Variants in RAB3GAP2 observed in about 807,000 individuals in gnomAD.
RAB3GAP2 encodes rab3 GTPase-activating protein non-catalytic subunit.
A neutral mutation model predicts 185.3 loss-of-function variants in RAB3GAP2; 87 were observed. That is an observed-to-expected ratio of 0.47 (90% confidence interval 0.39 to 0.56). The LOEUF (loss-of-function observed/expected upper bound fraction) is 0.56, where lower values mean the gene tolerates loss of function less well. Among genes scored for constraint, RAB3GAP2 ranks in the 20% least tolerant of loss-of-function variants. The pLI is 0.00. For missense variants in RAB3GAP2, 1,492 were observed against 1,638.2 expected, an observed-to-expected ratio of 0.91 and a Z score of 1.54; for synonymous variants, 554 against 576.1, an observed-to-expected ratio of 0.96 and a Z score of 0.55.
chr1:220,224,556 A>T (rs1446890963), intron 2 of RAB3GAP2, among the ~76,000 whole-genome samples: 1 of 152,208 alleles, frequency 6.6e-6, no homozygotes, highest in African/African-American at 2.4e-5. Context: ...GTAAAATTAA[A>T]GTCTATTTGG....
chr1:220,248,188 C>CTTTT (rs1198350965), intron 1 of RAB3GAP2, among the ~76,000 whole-genome samples: 1 of 152,006 alleles, frequency 6.6e-6, no homozygotes, highest in African/African-American at 2.4e-5. Context: ...TAAGTGGAAT[C>CTTTT]TAAAAAAGTC....
intron 17 of RAB3GAP2, among the ~76,000 whole-genome samples, chr1:220,187,599 G>A (rs1300645536): frequency 3.3e-5 from 5 of 152,094 alleles, no homozygotes; most frequent in Non-Finnish European, 7.4e-5. Context: ...AATCAATCAT[G>A]CTTATATAAT....
intron 2 of RAB3GAP2, among the ~76,000 whole-genome samples, chr1:220,221,196 C>G (rs760894451): frequency 1.3e-5 from 2 of 152,294 alleles, no homozygotes; most frequent in Non-Finnish European, 2.9e-5. Flanking sequence ...TTTTTATGCA[C>G]TGTCCTCATG....
At chr1:220,180,103 A>C (rs1658373165) in intron 21 of RAB3GAP2, among the ~76,000 whole-genome samples, 1 of 152,270 alleles carries the variant, frequency 6.6e-6, no homozygotes, top group East Asian at 1.9e-4. Flanking sequence ...CGGAAGTTGC[A>C]GTGAGCCGAG....
In RAB3GAP2 at chr1:220,167,151, G is replaced by A. The variant is rs1658082301; in HGVS notation, c.3087+142C>T. 5 of 744,614 alleles carry A rather than the reference G, an allele frequency of 6.7e-6. No homozygotes were observed. In the East Asian group the frequency reaches 1.1e-4, roughly 16 times the overall value. 46.1% of individuals were successfully genotyped at this position (744,614 alleles called of 1,614,324 possible). The stretch of plus-strand genomic sequence containing the variant: ...ATTGTAAGAGGAAATATGTGAAAAA[G>A]GTCTACCCTAGTTAGTACAGAGGCA... On this transcript the variant is annotated intron_variant, in intron 26 of 34. Transcript: ENST00000358951.
chr1:220,248,222 A>G lies in RAB3GAP2; in HGVS notation c.116-15359T>C, dbSNP rs145262626. Among the ~76,000 whole-genome samples the G allele has an allele frequency of 1.5e-3, 227 of 152,312 alleles. 2 individuals carry two copies. Among genetic ancestry groups the G allele is most frequent in the African/African-American group, 5.4e-3 (223 of 41,574 alleles). ...TCAAACTACTAGAAGCAGAGAGTAGAAATAAGATGTCAGTCAAAGGGTAAA... is the reference window on the plus strand; with the variant it reads ...TCAAACTACTAGAAGCAGAGAGTAGGAATAAGATGTCAGTCAAAGGGTAAA... On this transcript the variant is annotated intron_variant, in intron 1 of 34. Transcript: ENST00000358951.
rs1657903966 is a variant in RAB3GAP2 at position 220,158,682 on chromosome 1, C to A, written c.3261+704G>T. On this transcript the variant is annotated intron_variant, in intron 29 of 34. Coordinates refer to ENST00000358951, the MANE Select transcript of RAB3GAP2 (RefSeq NM_012414.4). The surrounding 1 kb of genome is among the most constrained non-coding windows in gnomAD (Gnocchi z 4.3). Reference sequence around the variant, plus strand: ...TCTCAAACTCCTGACCTCAGGTGATCCACCAGCCTCGCCTTTCCAAAGTGC... The same window carrying A: ...TCTCAAACTCCTGACCTCAGGTGATACACCAGCCTCGCCTTTCCAAAGTGC... Among the ~76,000 whole-genome samples the A allele has an allele frequency of 6.6e-6, 1 of 152,128 alleles. No homozygotes were observed.
At chr1:220,224,544 G>A (rs1204529098) in intron 2 of RAB3GAP2, among the ~76,000 whole-genome samples, 5 of 152,072 alleles carry the variant, frequency 3.3e-5, no homozygotes. Flanking sequence ...GTAGAATAAT[G>A]TGTAAAATTA....
intron 21 of RAB3GAP2, among the ~76,000 whole-genome samples, chr1:220,173,714 A>G (rs1658221563): frequency 6.6e-6 from 1 of 152,188 alleles, no homozygotes; most frequent in Admixed American, 6.5e-5. Context: ...GGGAAAGCTA[A>G]CATGTCCAGC....
chr1:220,251,824 G>A (rs920852820), intron 1 of RAB3GAP2, among the ~76,000 whole-genome samples: 7 of 152,168 alleles, frequency 4.6e-5, no homozygotes, highest in South Asian at 2.1e-4. Context: ...ATAGAGCCTA[G>A]TGGAGTCTTC....
intron 1 of RAB3GAP2, among the ~76,000 whole-genome samples, chr1:220,235,618 A>T (rs1004356723): frequency 2.6e-5 from 4 of 152,206 alleles, no homozygotes; most frequent in Admixed American, 1.3e-4. Flanking sequence ...AAAGCAAATA[A>T]GCCTTCAAAG....
intron 21 of RAB3GAP2, among the ~76,000 whole-genome samples, chr1:220,181,671 T>C (rs1658409027): frequency 6.6e-6 from 1 of 152,178 alleles, no homozygotes; most frequent in Non-Finnish European, 1.5e-5. Flanking sequence ...GATGATCCAA[T>C]TCCACTGTAA....
Position 220,210,977 on chromosome 1 carries a change from T to C in RAB3GAP2, c.412A>G (p.Ile138Val), listed in dbSNP as rs1659075614. ...EGECVTSALCIPLASQKRSST... is the reference protein window; with the variant it reads ...EGECVTSALCVPLASQKRSST... Reference sequence around the variant, plus strand: ...TACCTCTTTTGGCTTGCTAGTGGGATACATAGAGCACTGGTTACACATTCC... The same window carrying C: ...TACCTCTTTTGGCTTGCTAGTGGGACACATAGAGCACTGGTTACACATTCC... Residue 138 changes from isoleucine (I) to valine (V), a missense_variant, in exon 5 of 35, where the codon ATC becomes GTC. Around this residue, in one of 5 missense-constraint regions of RAB3GAP2, gnomAD observed 243 missense variants for 314.8 expected, o/e 0.77. Transcript: ENST00000358951. 5 of 1,613,942 alleles carry C rather than the reference T, an allele frequency of 3.1e-6. No individual in the cohort carries two copies. The South Asian group carries it at 5.5e-5, about 18-fold the overall frequency.
At chr1:220,178,333 A>G (rs1658335082) in intron 21 of RAB3GAP2, among the ~76,000 whole-genome samples, 1 of 152,234 alleles carries the variant, frequency 6.6e-6, no homozygotes, top group Non-Finnish European at 1.5e-5. Context: ...CCAAACTGAA[A>G]GAAAATGATG....
chr1:220,151,539 G>GT, intron 34 of RAB3GAP2, 67 bp downstream of exon 34: 1 of 1,585,664 alleles, frequency 6.3e-7, no homozygotes, highest in Non-Finnish European at 8.7e-7. Flanking sequence ...CTTCATAACT[G>GT]TTATTAACCA....
intron 28 of RAB3GAP2, among the ~76,000 whole-genome samples, chr1:220,160,008 C>G (rs1236849113): frequency 6.6e-6 from 1 of 151,502 alleles, no homozygotes; most frequent in Admixed American, 6.6e-5. Context: ...CAGAGTGAGA[C>G]TCCATCCCAC....
At chr1:220,228,428 G>GC (rs2102889592) in intron 2 of RAB3GAP2, among the ~76,000 whole-genome samples, 1 of 152,254 alleles carries the variant, frequency 6.6e-6, no homozygotes, top group South Asian at 2.1e-4. Flanking sequence ...ATTTTGCTCA[G>GC]CAAAACTTCA....
chr1:220,250,480 T>C (rs1052091066), intron 1 of RAB3GAP2, among the ~76,000 whole-genome samples: 5 of 152,232 alleles, frequency 3.3e-5, no homozygotes, highest in African/African-American at 1.2e-4. Flanking sequence ...TTGTCTGAGA[T>C]GATACTTTGG....
At chr1:220,251,335 G>T (rs968726514) in intron 1 of RAB3GAP2, among the ~76,000 whole-genome samples, 1 of 151,892 alleles carries the variant, frequency 6.6e-6, no homozygotes, top group African/African-American at 2.4e-5. Flanking sequence ...TCTTTCAAAG[G>T]AGAATATGAA....
Sources: gnomAD v4.1 joint callset for allele counts (sites outside exome capture counted in the v4.1 genomes callset) on GRCh38, gnomAD v4.1.1 for gene constraint, gnomAD v4.1.1 regional missense constraint, Gnocchi (gnomAD v3.1) non-coding constraint, MANE v1.5 for transcripts, NCBI Gene and HGNC (gene_info 2026-07-23, HGNC 2026-07-21) for gene names.